Variants in FAF2 observed in about 807,000 individuals in gnomAD.
The protein encoded by FAF2 is Fas associated factor family member 2, also known as FAS-associated factor 2.
In FAF2, 9 loss-of-function variants were observed where a neutral mutation model predicts 62.3. The observed-to-expected ratio is 0.14, with a 90% CI of 0.09 to 0.25. The LOEUF is 0.25. Among genes scored for constraint, FAF2 ranks in the 10% least tolerant of loss-of-function variants. FAF2 has a pLI of 1.00. For synonymous variants in FAF2, 202 were observed against 198.0 expected (o/e 1.02, Z -0.17); for missense variants, 368 against 556.2 (o/e 0.66, Z 3.40).
At chr5:176,476,184 G>A (rs950527436) in intron 1 of FAF2, among the ~76,000 whole-genome samples, 4 of 151,940 alleles carry the variant, frequency 2.6e-5, no homozygotes, top group South Asian at 4.2e-4. Context: ...ATTTGAGAGC[G>A]GGAGACAGAG....
At chr5:176,462,407 T>C (rs1055599863) in intron 1 of FAF2, among the ~76,000 whole-genome samples, 1 of 150,854 alleles carries the variant, frequency 6.6e-6, no homozygotes, top group Non-Finnish European at 1.5e-5. Context: ...AGGCAGATCA[T>C]GAGGTCAAGA....
intron 1 of FAF2, among the ~76,000 whole-genome samples, chr5:176,473,289 G>A (rs574642457): frequency 6.6e-6 from 1 of 152,210 alleles, no homozygotes; most frequent in African/African-American, 2.4e-5. Context: ...TACCAGTCAG[G>A]TATTTTGTAG....
At chr5:176,451,418 T>C (rs1444478332) in intron 1 of FAF2, among the ~76,000 whole-genome samples, 2 of 151,980 alleles carry the variant, frequency 1.3e-5, no homozygotes, top group African/African-American at 4.8e-5. Context: ...TGCTATGTTG[T>C]CCAGGCTGCT....
chr5:176,454,576 T>G lies in FAF2; in HGVS notation c.63+6106T>G, dbSNP rs1327317079. On this transcript the variant is annotated intron_variant, in intron 1 of 10. Coordinates refer to ENST00000261942, the MANE Select transcript of FAF2 (RefSeq NM_014613.3). The stretch of plus-strand genomic sequence containing the variant: ...CTGGGCAACAGAGCCAGATTCTGTC[T>G]GAAAAAAAAAAAAAAAAAAAAAAAA... Among the ~76,000 whole-genome samples, 368 of 41,626 alleles carry G rather than the reference T, an allele frequency of 8.8e-3. 3 individuals are homozygous for G. Among genetic ancestry groups the G allele is most frequent in the African/African-American group, 0.034 (346 of 10,108 alleles). The allele number at this position is 41,626 out of a possible 152,430, so 27.3% of individuals were successfully genotyped here.
chr5:176,494,296 C>G lies in FAF2; in HGVS notation c.661+21C>G. On this transcript the variant is annotated intron_variant, in intron 7 of 10. Coordinates refer to ENST00000261942, the MANE Select transcript of FAF2 (RefSeq NM_014613.3). This position sits in a 1 kb window ranked among gnomAD's most constrained non-coding sequence, Gnocchi z 4.0. ...CAGGGGTAAGTTATGTTTCTTCTGC[C>G]TCATTGAGATTGTTGGAGTATCTTT... 6.3e-7 allele frequency: 1 copy of G among 1,575,118 alleles called. No homozygotes were observed. The highest frequency in any genetic ancestry group is 8.7e-7 in the Non-Finnish European group (1 of 1,145,634).
rs555947188 is a variant in FAF2, at chr5:176,494,658, G to A, written c.661+383G>A. 1.5e-4 allele frequency among the ~76,000 whole-genome samples: 23 copies of A among 152,218 alleles called. No individual in the cohort carries two copies. The highest frequency in any genetic ancestry group is 4.3e-4 in the African/African-American group (18 of 41,536). ...CAACCTCCACCTCCTGGGTTCAAGC[G>A]ATTGTCCTGCCTCAGCCTCCTGAGT... On this transcript the variant is annotated intron_variant, in intron 7 of 10. Coordinates refer to ENST00000261942, the MANE Select transcript of FAF2 (RefSeq NM_014613.3). The surrounding 1 kb of genome is among the most constrained non-coding windows in gnomAD (Gnocchi z 4.0).
rs898993785 is a variant in FAF2, at chr5:176,509,598, C to T, written c.*2648C>T. ...GTACCCTCAGTGGAGCCCTTCTGGT[C>T]TTTTCTTCCACTTCTGCAGAATTTC... On this transcript the variant is annotated 3_prime_UTR_variant, in exon 11 of 11. Coordinates refer to ENST00000261942, the MANE Select transcript of FAF2 (RefSeq NM_014613.3). 2 of 152,728 alleles carry T rather than the reference C, an allele frequency of 1.3e-5. No homozygotes were observed. Among genetic ancestry groups the T allele is most frequent in the Non-Finnish European group, 2.9e-5 (2 of 68,028 alleles). The allele number at this position is 152,728 out of a possible 1,614,324, so 9.5% of individuals were successfully genotyped here.
rs10044221 is a variant in FAF2 at position 176,488,332 on chromosome 5, G to A, written c.268-619G>A. 1.4e-3 allele frequency among the ~76,000 whole-genome samples: 213 copies of A among 152,302 alleles called. 1 individual carries two copies. Among genetic ancestry groups the A allele is most frequent in the African/African-American group, 4.9e-3 (205 of 41,556 alleles). On this transcript the variant is annotated intron_variant, in intron 3 of 10. Coordinates refer to ENST00000261942, the MANE Select transcript of FAF2 (RefSeq NM_014613.3). ...AATCTAAAAAGGAAAGAATGAGTGT[G>A]TATCATTTGGGGAACATTAATTTGC...
At chr5:176,460,846 G>A (rs1758366355) in intron 1 of FAF2, among the ~76,000 whole-genome samples, 2 of 151,950 alleles carry the variant, frequency 1.3e-5, no homozygotes, top group Non-Finnish European at 2.9e-5. Flanking sequence ...CAGCTACTTG[G>A]GAGGCTGAGG....
At chr5:176,505,303 C>T (rs538821551) in intron 10 of FAF2, among the ~76,000 whole-genome samples, 1 of 152,326 alleles carries the variant, frequency 6.6e-6, no homozygotes, top group East Asian at 1.9e-4. Context: ...GCCTGTTCCA[C>T]AGGCATCTCA....
intron 5 of FAF2, among the ~76,000 whole-genome samples, chr5:176,492,587 G>T (rs1391022134): frequency 6.6e-6 from 1 of 152,060 alleles, no homozygotes; most frequent in Non-Finnish European, 1.5e-5. Context: ...CTCATTCCCT[G>T]AACATAGTCT....
chr5:176,483,179 C>T lies in FAF2; in HGVS notation c.133-3176C>T, dbSNP rs551435591. 2.6e-5 allele frequency among the ~76,000 whole-genome samples: 4 copies of T among 152,266 alleles called. No individual in the cohort carries two copies. The East Asian group carries it at 5.8e-4, about 22-fold the overall frequency. On this transcript the variant is annotated intron_variant, in intron 2 of 10. Coordinates refer to ENST00000261942, the MANE Select transcript of FAF2 (RefSeq NM_014613.3). ...TCAAGAAGCCTTCCTGCCTCAGCCT[C>T]CCTGACACCTCAGACTACAGGTACA...
chr5:176,470,543 C>CTCCA (rs1758548536), intron 1 of FAF2, among the ~76,000 whole-genome samples: 1 of 152,266 alleles, frequency 6.6e-6, no homozygotes. Flanking sequence ...CGCCATCGCG[C>CTCCA]TCCAGCCTGG....
intron 1 of FAF2, among the ~76,000 whole-genome samples, chr5:176,459,332 C>T (rs919458274): frequency 2.1e-5 from 3 of 139,656 alleles, no homozygotes; most frequent in Non-Finnish European, 3.0e-5. Context: ...ATTCATGGTT[C>T]ACTGCAGCTC....
chr5:176,456,573 C>T (rs1165180993), intron 1 of FAF2, among the ~76,000 whole-genome samples: 1 of 46,594 alleles, frequency 2.1e-5, no homozygotes, highest in Non-Finnish European at 3.9e-5. Context: ...TCAAGCAGTC[C>T]ACCCCTTGGC....
chr5:176,460,031 G>A (rs960429568), intron 1 of FAF2, among the ~76,000 whole-genome samples: 2 of 152,128 alleles, frequency 1.3e-5, no homozygotes, highest in African/African-American at 4.8e-5. Context: ...ACGGCCTCCG[G>A]CTACATCCAT....
intron 1 of FAF2, among the ~76,000 whole-genome samples, chr5:176,467,250 A>G (rs539650451): frequency 1.3e-5 from 2 of 150,932 alleles, no homozygotes; most frequent in Non-Finnish European, 2.9e-5. Flanking sequence ...AGGGGGTGCC[A>G]TAGTTAACCT....
chr5:176,498,262 C>T (rs1755532146), intron 8 of FAF2, among the ~76,000 whole-genome samples: 1 of 152,212 alleles, frequency 6.6e-6, no homozygotes. Flanking sequence ...GTGGTGATTA[C>T]ATGGTTACAT....
chr5:176,486,392 T>C lies in FAF2; in HGVS notation c.170T>C (p.Val57Ala). ...GACAGATTGAATGAGCAAGAGGGCG[T>C]ACCTAGTGTTTTCAACCCACCTCCA... ...VQDRLNEQEG[V>A]PSVFNPPPSR... Residue 57 changes from valine to alanine, a missense_variant, in exon 3 of 11, where the codon GTA becomes GCA. Val to Ala is a moderately conservative substitution (Grantham distance 64). Transcript: ENST00000261942. 1 of 1,614,192 alleles carries C rather than the reference T, an allele frequency of 6.2e-7. No individual in the cohort carries two copies.
Sources: allele counts gnomAD v4.1 joint callset (sites outside exome capture counted in the v4.1 genomes callset), GRCh38; gene constraint gnomAD v4.1.1; non-coding constraint Gnocchi (gnomAD v3.1); transcripts MANE v1.5; gene names NCBI Gene and HGNC (gene_info 2026-07-23, HGNC 2026-07-21).